Variants in C2CD2 observed in about 807,000 individuals in gnomAD.
C2CD2 encodes C2 domain-containing protein 2.
In C2CD2, 43 loss-of-function variants were observed where a neutral mutation model predicts 74.3. That is an observed-to-expected ratio of 0.58 (90% CI 0.45 to 0.75). The LOEUF (loss-of-function observed/expected upper bound fraction) is 0.75. Ranked by LOEUF, C2CD2 falls within the 30% of genes least tolerant of loss-of-function variation. The pLI, the probability that C2CD2 is intolerant of heterozygous loss-of-function variation, is 0.00. For missense variants in C2CD2, 801 were observed against 916.3 expected, an observed-to-expected ratio of 0.87 and a Z score of 1.63; for synonymous variants, 422 against 390.7, an observed-to-expected ratio of 1.08 and a Z score of -0.94.
At chr21:41,911,388 CTT>C (rs58934224) in intron 7 of C2CD2, among the ~76,000 whole-genome samples, 11,526 of 116,112 alleles carry the variant, frequency 0.099, 332 homozygotes, top group East Asian at 0.24. Flanking sequence ...TATCTCGATT[CTT>C]TTTTTTTTTT....
At chr21:41,936,831 T>TA (rs1913295514) in intron 2 of C2CD2, among the ~76,000 whole-genome samples, 1 of 148,094 alleles carries the variant, frequency 6.8e-6, no homozygotes, top group African/African-American at 2.5e-5. Context: ...TTTTTTTTTT[T>TA]TTTTTTGAGA....
chr21:41,941,373 A>C (rs2065352868), intron 2 of C2CD2, among the ~76,000 whole-genome samples: 2 of 152,114 alleles, frequency 1.3e-5, no homozygotes, highest in African/African-American at 4.8e-5. Context: ...ATACAAAACA[A>C]AGCCAAAAAA....
At chr21:41,897,498 G>A (rs1428784606) in intron 13 of C2CD2, among the ~76,000 whole-genome samples, 1 of 152,198 alleles carries the variant, frequency 6.6e-6, no homozygotes, top group Non-Finnish European at 1.5e-5. Context: ...CAGGAGCACA[G>A]GAGCCTGCCA....
At chr21:41,953,317 G>T in intron 1 of C2CD2, 53 bp downstream of exon 1, 1 of 1,278,044 alleles carries the variant, frequency 7.8e-7, no homozygotes, top group Non-Finnish European at 1.0e-6. Context: ...CCTCGGCCCG[G>T]ACCGCCCGCC....
At chr21:41,911,527 G>A (rs2065025899) in intron 7 of C2CD2, among the ~76,000 whole-genome samples, 1 of 151,404 alleles carries the variant, frequency 6.6e-6, no homozygotes, top group Admixed American at 6.6e-5. Flanking sequence ...GAGTAGCTGT[G>A]ATTACAGGCA....
intron 6 of C2CD2, among the ~76,000 whole-genome samples, chr21:41,913,209 T>A (rs1354006838): frequency 6.6e-6 from 1 of 152,246 alleles, no homozygotes; most frequent in Admixed American, 6.5e-5. Flanking sequence ...ACAGGTGCTG[T>A]ACCTGATACT....
chr21:41,948,278 G>A (rs575376822), intron 1 of C2CD2, among the ~76,000 whole-genome samples: 68 of 152,172 alleles, frequency 4.5e-4, no homozygotes, highest in Non-Finnish European at 7.9e-4. Context: ...GGCCTGCCCC[G>A]AGCCGGCTTT....
intron 2 of C2CD2, among the ~76,000 whole-genome samples, chr21:41,941,503 T>A (rs747686558): frequency 1.3e-5 from 2 of 152,214 alleles, no homozygotes; most frequent in Non-Finnish European, 2.9e-5. Context: ...CTACATAACA[T>A]CTACATAGTT....
Position 41,914,693 on chromosome 21 carries a change from T to C in C2CD2, c.749A>G (p.Gln250Arg). ...QNLQCAASTA[Q>R]ESCPPKPPRA... ...TGGAGGTTTAGGAGGACAGGATTCC[T>C]GAGCAGTAGATGCAGCACACTGTAA... Residue 250 changes from glutamine (Q) to arginine (R), a missense_variant, in exon 6 of 14, where the codon CAG becomes CGG. Coordinates refer to ENST00000380486, the MANE Select transcript of C2CD2 (RefSeq NM_015500.2). The C allele has an allele frequency of 6.2e-7, 1 of 1,613,712 alleles. No individual in the cohort carries two copies. The highest frequency in any genetic ancestry group is 8.5e-7 in the Non-Finnish European group (1 of 1,179,664).
chr21:41,952,026 T>C (rs1158802201), intron 1 of C2CD2, among the ~76,000 whole-genome samples: 1 of 152,158 alleles, frequency 6.6e-6, no homozygotes, highest in African/African-American at 2.4e-5. Flanking sequence ...GGGTCAGTGA[T>C]GGCAGCTTCC....
intron 1 of C2CD2, chr21:41,942,910 C>G (rs962318286): frequency 1.0e-6 from 1 of 968,188 alleles, no homozygotes; most frequent in African/African-American, 1.8e-5. Flanking sequence ...GCCACCTGGC[C>G]CCAAGGTTCA....
rs1215949120 is a variant in C2CD2 at position 41,887,793 on chromosome 21, T to C, written c.*1331A>G. 2 of 152,228 alleles carry C rather than the reference T, an allele frequency of 1.3e-5. No homozygotes were observed. The highest frequency in any genetic ancestry group is 2.9e-5 in the Non-Finnish European group (2 of 68,042). The allele number at this position is 152,228 out of a possible 1,614,324, so 9.4% of individuals were successfully genotyped here. A position where few individuals can be genotyped will look rare whatever the true frequency, so the allele number is the denominator to read the frequency against. On this transcript the variant is annotated 3_prime_UTR_variant, in exon 14 of 14. Transcript: ENST00000380486. ...CTCCATGACAGAAGCCAAGCTTTCG[T>C]AACAGCCTTTTACATGTCTTTGGAG...
At chr21:41,941,266 C>T (rs2065351981) in intron 2 of C2CD2, among the ~76,000 whole-genome samples, 1 of 152,132 alleles carries the variant, frequency 6.6e-6, no homozygotes, top group African/African-American at 2.4e-5. Context: ...GAGGCTAAGG[C>T]AGGAGGATCA....
At chr21:41,952,519 C>A (rs1483646093) in intron 1 of C2CD2, among the ~76,000 whole-genome samples, 1 of 152,256 alleles carries the variant, frequency 6.6e-6, no homozygotes, top group African/African-American at 2.4e-5. Context: ...CCAAACCCAC[C>A]CAGGCTCCAA....
At chr21:41,907,234 ACT>A (rs2064973808) in intron 9 of C2CD2, 68 bp from the exon 10 acceptor site, 1 of 1,223,120 alleles carries the variant, frequency 8.2e-7, no homozygotes, top group Admixed American at 1.7e-5. Context: ...GCCAGGTAAC[ACT>A]GCCTTCTTGT....
chr21:41,912,306 C>G (rs1378760925), intron 7 of C2CD2, 26 bp downstream of exon 7: 2 of 1,433,138 alleles, frequency 1.4e-6, no homozygotes, highest in Admixed American at 1.7e-5. Context: ...CGTGGACACA[C>G]AGGCCCATAA....
At chr21:41,943,650 G>A (rs2065374284) in intron 1 of C2CD2, among the ~76,000 whole-genome samples, 1 of 152,188 alleles carries the variant, frequency 6.6e-6, no homozygotes, top group South Asian at 2.1e-4. Context: ...GGGAAGCGGT[G>A]TAAAACCTTG....
Position 41,929,200 on chromosome 21 carries a change from G to A in C2CD2, c.379-7115C>T, listed in dbSNP as rs2065242798. Among the ~76,000 whole-genome samples the A allele has an allele frequency of 6.6e-6, 1 of 152,170 alleles. No individual in the cohort carries two copies. The highest frequency in any genetic ancestry group is 2.4e-5 in the African/African-American group (1 of 41,444). On this transcript the variant is annotated intron_variant, in intron 2 of 13. Transcript: ENST00000380486. The surrounding 1 kb of genome is among the most constrained non-coding windows in gnomAD (Gnocchi z 4.6). ...AGCTAGATTCTGGAGGCCAAATGAG[G>A]TTCACTCTGGCCTCTGCTGCGTCAG...
intron 11 of C2CD2, 45 bp downstream of exon 11, chr21:41,905,679 C>T (rs1035918071): frequency 1.9e-6 from 2 of 1,026,920 alleles, no homozygotes; most frequent in South Asian, 1.4e-5. Context: ...CCCAAAAGGC[C>T]CAAAGGTGCT....
Sources: gnomAD v4.1 joint callset for allele counts (sites outside exome capture counted in the v4.1 genomes callset) on GRCh38, gnomAD v4.1.1 for gene constraint, Gnocchi (gnomAD v3.1) non-coding constraint, MANE v1.5 for transcripts, NCBI Gene and HGNC (gene_info 2026-07-23, HGNC 2026-07-21) for gene names.